The following ZNF804A variants were observed in gnomAD, a reference collection of about 807,000 sequenced individuals.
ZNF804A encodes zinc finger protein 804A.
Under a neutral mutation model 16.5 loss-of-function variants are expected in ZNF804A, and 2 were observed. The observed-to-expected ratio is 0.12, with a 90% CI of 0.05 to 0.38. The LOEUF (loss-of-function observed/expected upper bound fraction) is 0.38, where lower values mean the gene tolerates loss of function less well. Ranked by LOEUF, ZNF804A falls within the 10% of genes least tolerant of loss-of-function variation. ZNF804A has a pLI of 0.99. For synonymous variants in ZNF804A, 534 were observed against 489.6 expected, an observed-to-expected ratio of 1.09 and a Z score of -1.20; for missense variants, 1,473 against 1,390.7, an observed-to-expected ratio of 1.06 and a Z score of -0.94.
In ZNF804A at chr2:184,937,216, A is replaced by G; in HGVS notation, c.1820A>G (p.His607Arg). 1 of 1,608,604 alleles carries G rather than the reference A, an allele frequency of 6.2e-7. No homozygotes were observed. The highest frequency in any genetic ancestry group is 8.5e-7 in the Non-Finnish European group (1 of 1,178,658). ...AGAAAAAAGTTATGTCAGCATCATC[A>G]TATGGAGAAAACCAAAGAATCAGAA... ...KKRKKLCQHH[H>R]MEKTKESETR... Residue 607 changes from histidine to arginine, a missense_variant, in exon 4 of 4, where the codon CAT (histidine) becomes CGT (arginine). His to Arg is a conservative substitution (Grantham distance 29). Coordinates refer to ENST00000302277, the MANE Select transcript of ZNF804A (RefSeq NM_194250.2).
chr2:184,680,620 G>A (rs758591961), intron 1 of ZNF804A, among the ~76,000 whole-genome samples: 40 of 152,212 alleles, frequency 2.6e-4, no homozygotes, highest in Non-Finnish European at 4.9e-4. Context: ...GCAGGTCACC[G>A]CTGAGCTGTA....
intron 2 of ZNF804A, among the ~76,000 whole-genome samples, chr2:184,915,561 T>G (rs1685435200): frequency 6.6e-6 from 1 of 152,150 alleles, no homozygotes; most frequent in African/African-American, 2.4e-5. Flanking sequence ...GTGAATTCAA[T>G]TTGAAAAGTA....
At chr2:184,695,311 A>C (rs1012220233) in intron 1 of ZNF804A, among the ~76,000 whole-genome samples, 1 of 151,596 alleles carries the variant, frequency 6.6e-6, no homozygotes, top group East Asian at 1.9e-4. Context: ...AATACAAAAA[A>C]TTAGCCGGGT....
At chr2:184,770,955 C>T (rs758925013) in intron 1 of ZNF804A, among the ~76,000 whole-genome samples, 9 of 151,818 alleles carry the variant, frequency 5.9e-5, no homozygotes, top group South Asian at 4.1e-4. Flanking sequence ...AAGACAGATA[C>T]GTAAATAAGA....
intron 1 of ZNF804A, among the ~76,000 whole-genome samples, chr2:184,724,057 T>G (rs535483955): frequency 4.0e-5 from 6 of 151,844 alleles, no homozygotes; most frequent in Non-Finnish European, 7.4e-5. Flanking sequence ...TCTTATAATA[T>G]TGTGCTTATT....
intron 1 of ZNF804A, among the ~76,000 whole-genome samples, chr2:184,666,279 A>C (rs559318682): frequency 1.3e-5 from 2 of 152,236 alleles, no homozygotes; most frequent in African/African-American, 4.8e-5. Flanking sequence ...ATCTCAAAAT[A>C]GCCTTATTAA....
At chr2:184,782,915 A>C (rs557592456) in intron 1 of ZNF804A, among the ~76,000 whole-genome samples, 2 of 150,718 alleles carry the variant, frequency 1.3e-5, no homozygotes, top group South Asian at 4.2e-4. Flanking sequence ...CTATTCCAGG[A>C]GAGTATTGTG....
chr2:184,772,020 C>CA (rs1558957111), intron 1 of ZNF804A, among the ~76,000 whole-genome samples: 4 of 151,828 alleles, frequency 2.6e-5, no homozygotes, highest in East Asian at 3.9e-4. Flanking sequence ...GTGTGTGAAA[C>CA]AAAAAACAGA....
rs564634052 is a variant in ZNF804A at position 184,799,490 on chromosome 2, C to T, written c.112-66879C>T. Reference sequence around the variant, plus strand: ...TAATCTGGATTTGGCATTAGAGTAACGATGGTTAAGAAGGCATTAGCAAGT... The same window carrying T: ...TAATCTGGATTTGGCATTAGAGTAATGATGGTTAAGAAGGCATTAGCAAGT... On this transcript the variant is annotated intron_variant, in intron 1 of 3. Transcript: ENST00000302277. 7.2e-5 allele frequency among the ~76,000 whole-genome samples: 11 copies of T among 152,000 alleles called. No homozygotes were observed. The East Asian group carries it at 2.1e-3, about 29-fold the overall frequency.
intron 1 of ZNF804A, among the ~76,000 whole-genome samples, chr2:184,629,402 T>G (rs1691566804): frequency 6.6e-6 from 1 of 152,088 alleles, no homozygotes; most frequent in East Asian, 1.9e-4. Flanking sequence ...TCAGGCACAT[T>G]GATAAAATCA....
chr2:184,915,132 A>C, intron 2 of ZNF804A, among the ~76,000 whole-genome samples: 1 of 152,024 alleles, frequency 6.6e-6, no homozygotes, highest in East Asian at 1.9e-4. Flanking sequence ...GGGAAATAAC[A>C]TATGGCAGAA....
In ZNF804A at chr2:184,936,615, G is replaced by A. The variant is rs568988606; in HGVS notation, c.1219G>A (p.Val407Ile). ...ETLAPSNTEE[V>I]NITIHKKTNF... ...ATTGGCCCCTTCAAATACTGAAGAG[G>A]TTAACATAACTATACATAAGAAAAC... is the stretch of plus-strand genomic sequence containing the variant. Residue 407 changes from valine (V) to isoleucine (I), a missense_variant, in exon 4 of 4, where the codon GTT becomes ATT. Physicochemically the swap from Val to Ile is conservative, Grantham distance 29. Coordinates refer to ENST00000302277, the MANE Select transcript of ZNF804A (RefSeq NM_194250.2). 1 of 1,613,996 alleles carries A rather than the reference G, an allele frequency of 6.2e-7. No individual in the cohort carries two copies. Among genetic ancestry groups the A allele is most frequent in the East Asian group, 2.2e-5 (1 of 44,854 alleles).
intron 1 of ZNF804A, among the ~76,000 whole-genome samples, chr2:184,785,155 G>T (rs1020043568): frequency 2.6e-5 from 4 of 151,848 alleles, no homozygotes. Flanking sequence ...AAACTCCCAG[G>T]TATCTACAAA....
At chr2:184,785,799 A>G (rs1294915659) in intron 1 of ZNF804A, among the ~76,000 whole-genome samples, 6 of 152,122 alleles carry the variant, frequency 3.9e-5, no homozygotes, top group Non-Finnish European at 8.8e-5. Flanking sequence ...AAATGCATAC[A>G]CATATACCTG....
chr2:184,681,453 A>G (rs546913459), intron 1 of ZNF804A, among the ~76,000 whole-genome samples: 1 of 152,362 alleles, frequency 6.6e-6, no homozygotes, highest in South Asian at 2.1e-4. Context: ...AAAGTAGCAT[A>G]CTGTCGGTGG....
At chr2:184,721,739 T>G (rs1217113158) in intron 1 of ZNF804A, among the ~76,000 whole-genome samples, 1 of 152,106 alleles carries the variant, frequency 6.6e-6, no homozygotes, top group African/African-American at 2.4e-5. Flanking sequence ...CTCACTAGTG[T>G]GTATTTATTG....
At chr2:184,613,839 C>A (rs148516959) in intron 1 of ZNF804A, among the ~76,000 whole-genome samples, 5 of 152,022 alleles carry the variant, frequency 3.3e-5, no homozygotes, top group African/African-American at 7.2e-5. Context: ...GAATCAATAT[C>A]ATGAAAACGG....
intron 1 of ZNF804A, among the ~76,000 whole-genome samples, chr2:184,672,706 A>G (rs921791683): frequency 1.3e-5 from 2 of 152,118 alleles, no homozygotes; most frequent in African/African-American, 4.8e-5. Context: ...TAGTGATGGC[A>G]TCTTGCCAGA....
At position 184,721,775 on chromosome 2, in the gene ZNF804A, A is replaced by C. The variant is rs149349812; in HGVS notation, c.111+122705A>C. 2.0e-5 allele frequency among the ~76,000 whole-genome samples: 3 copies of C among 152,242 alleles called. No homozygotes were observed. The East Asian group carries it at 5.8e-4, about 29-fold the overall frequency. On this transcript the variant is annotated intron_variant, in intron 1 of 3. Transcript: ENST00000302277. ...AAAGGAAATAAAATCAGCATCAAAA[A>C]CATGCCTTTATTCCCATGTCTTTTC... is the stretch of plus-strand genomic sequence containing the variant.
Sources: allele counts gnomAD v4.1 joint callset (sites outside exome capture counted in the v4.1 genomes callset), GRCh38; gene constraint gnomAD v4.1.1; transcripts MANE v1.5; gene names NCBI Gene and HGNC (gene_info 2026-07-23, HGNC 2026-07-21).